The following ATRNL1 variants were observed in gnomAD, a reference collection of about 807,000 sequenced individuals.
The protein encoded by ATRNL1 is attractin-like protein 1.
Under a neutral mutation model 182.7 loss-of-function variants are expected in ATRNL1, and 95 were observed. The observed-to-expected ratio is 0.52, with a 90% CI of 0.44 to 0.62. ATRNL1 has a LOEUF of 0.62. Ranked by LOEUF, ATRNL1 falls within the 20% of genes least tolerant of loss-of-function variation. The pLI is 0.00. For synonymous variants in ATRNL1, 576 were observed against 568.3 expected, an observed-to-expected ratio of 1.01 and a Z score of -0.19; for missense variants, 1,471 against 1,679.5, an observed-to-expected ratio of 0.88 and a Z score of 2.17.
At chr10:115,345,343 C>A (rs1469655008) in intron 19 of ATRNL1, among the ~76,000 whole-genome samples, 1 of 152,162 alleles carries the variant, frequency 6.6e-6, no homozygotes, top group East Asian at 1.9e-4. Flanking sequence ...AGGCGGGTGT[C>A]CCCTGAGTTT....
intron 26 of ATRNL1, among the ~76,000 whole-genome samples, chr10:115,555,659 G>A (rs1554996846): frequency 1.3e-5 from 2 of 151,840 alleles, no homozygotes; most frequent in South Asian, 2.1e-4. Flanking sequence ...AATGTTTACA[G>A]ATCTTAAAAT....
intron 1 of ATRNL1, among the ~76,000 whole-genome samples, chr10:115,115,229 G>A (rs1173058508): frequency 2.6e-5 from 4 of 152,058 alleles, no homozygotes; most frequent in Admixed American, 1.3e-4. Flanking sequence ...AGCTGTGGGT[G>A]GTGGTCAGTT....
intron 28 of ATRNL1, among the ~76,000 whole-genome samples, chr10:115,878,919 A>G (rs1246586874): frequency 6.6e-6 from 1 of 152,170 alleles, no homozygotes; most frequent in African/African-American, 2.4e-5. Flanking sequence ...GGATCAGAAA[A>G]GATGAAAAAG....
chr10:115,589,606 G>T (rs1855782207), intron 26 of ATRNL1, among the ~76,000 whole-genome samples: 1 of 152,044 alleles, frequency 6.6e-6, no homozygotes, highest in African/African-American at 2.4e-5. Context: ...TATTATTTGA[G>T]TGTAGGATGA....
chr10:115,261,687 G>T (rs1851397764), intron 10 of ATRNL1, among the ~76,000 whole-genome samples: 1 of 152,048 alleles, frequency 6.6e-6, no homozygotes, highest in Non-Finnish European at 1.5e-5. Flanking sequence ...TATGCTACCT[G>T]GCTTATCTGT....
chr10:115,656,187 T>A (rs1476907954), intron 26 of ATRNL1, among the ~76,000 whole-genome samples: 1 of 152,172 alleles, frequency 6.6e-6, no homozygotes, highest in Non-Finnish European at 1.5e-5. Flanking sequence ...AAACAAATAC[T>A]TTGTAATGTC....
intron 10 of ATRNL1, among the ~76,000 whole-genome samples, chr10:115,255,294 G>A (rs920633358): frequency 6.6e-6 from 1 of 152,116 alleles, no homozygotes; most frequent in South Asian, 2.1e-4. Context: ...ATTTGTTTGT[G>A]TCCTCTTTTA....
Position 115,093,623 on chromosome 10 carries a change from T to G in ATRNL1, c.-128T>G, listed in dbSNP as rs1309173418. ...GTCCCTCCTGACCGGGGAGCGGGAC[T>G]CGGACGGGCGCCGGTGAGGAGGAGG... On this transcript the variant is annotated 5_prime_UTR_variant, in exon 1 of 29. Transcript: ENST00000355044. The surrounding 1 kb of genome is among the most constrained non-coding windows in gnomAD (Gnocchi z 6.1). The G allele has an allele frequency of 9.1e-7, 1 of 1,102,878 alleles. No homozygotes were observed. The highest frequency in any genetic ancestry group is 1.3e-6 in the Non-Finnish European group (1 of 765,478). The allele number at this position is 1,102,878 out of a possible 1,614,324, so 68.3% of individuals were successfully genotyped here.
At chr10:115,671,619 G>T (rs1266984273) in intron 26 of ATRNL1, among the ~76,000 whole-genome samples, 2 of 152,068 alleles carry the variant, frequency 1.3e-5, no homozygotes, top group Non-Finnish European at 2.9e-5. Context: ...CAGGTTGTTA[G>T]GTAAGGACAA....
intron 10 of ATRNL1, among the ~76,000 whole-genome samples, chr10:115,252,040 G>C (rs1304624290): frequency 6.6e-6 from 1 of 151,984 alleles, no homozygotes; most frequent in Non-Finnish European, 1.5e-5. Flanking sequence ...TGTTGTTGTT[G>C]TTTTGAGACA....
chr10:115,445,506 C>CGTGTGTGTGTGTGTGT (rs57237450), intron 21 of ATRNL1, among the ~76,000 whole-genome samples: 1 of 119,256 alleles, frequency 8.4e-6, no homozygotes, highest in Non-Finnish European at 1.7e-5. Context: ...CTCATTTGTC[C>CGTGTGTGTGTGTGTGT]GTGTGTGTGT....
At chr10:115,361,559 C>A (rs936011444) in intron 19 of ATRNL1, among the ~76,000 whole-genome samples, 7 of 152,012 alleles carry the variant, frequency 4.6e-5, no homozygotes, top group African/African-American at 1.4e-4. Context: ...CATACATATG[C>A]ACAACCTCAC....
intron 17 of ATRNL1, among the ~76,000 whole-genome samples, chr10:115,311,667 G>C (rs1444437535): frequency 1.3e-5 from 2 of 152,072 alleles, no homozygotes; most frequent in Non-Finnish European, 2.9e-5. Context: ...GTGTTTCTTT[G>C]ATGACTTTCT....
intron 19 of ATRNL1, among the ~76,000 whole-genome samples, chr10:115,378,843 G>A (rs1257368773): frequency 5.9e-5 from 9 of 152,094 alleles, no homozygotes; most frequent in African/African-American, 2.2e-4. Context: ...GTATAATTAT[G>A]CTGTAAGGAT....
chr10:115,612,994 A>G (rs1209879796), intron 26 of ATRNL1, among the ~76,000 whole-genome samples: 2 of 152,160 alleles, frequency 1.3e-5, no homozygotes, highest in African/African-American at 4.8e-5. Context: ...TCTTGTCCTG[A>G]TTGTTCAGTT....
chr10:115,190,031 C>T (rs1410623976), intron 8 of ATRNL1, among the ~76,000 whole-genome samples: 9 of 152,072 alleles, frequency 5.9e-5, no homozygotes, highest in Non-Finnish European at 8.8e-5. Flanking sequence ...ACATGCTGTA[C>T]GGGTTTTTCG....
chr10:115,633,212 A>G (rs763891514), intron 26 of ATRNL1, among the ~76,000 whole-genome samples: 63 of 152,246 alleles, frequency 4.1e-4, no homozygotes, highest in Admixed American at 7.2e-4. Flanking sequence ...CACCTGGCCT[A>G]AAGTTAATAT....
intron 24 of ATRNL1, among the ~76,000 whole-genome samples, chr10:115,484,640 T>A (rs1375578653): frequency 6.6e-6 from 1 of 151,782 alleles, no homozygotes; most frequent in African/African-American, 2.4e-5. Context: ...TAGCTTATAT[T>A]TATTCTTATA....
chr10:115,794,101 A>C (rs1949594166), intron 27 of ATRNL1, among the ~76,000 whole-genome samples: 1 of 152,192 alleles, frequency 6.6e-6, no homozygotes, highest in African/African-American at 2.4e-5. Context: ...AATCCTAAAG[A>C]AGTCGGACTA....
Sources: allele counts gnomAD v4.1 joint callset (sites outside exome capture counted in the v4.1 genomes callset), GRCh38; gene constraint gnomAD v4.1.1; non-coding constraint Gnocchi (gnomAD v3.1); transcripts MANE v1.5; gene names NCBI Gene and HGNC (gene_info 2026-07-23, HGNC 2026-07-21).